The following FGGY variants were observed in gnomAD, a reference collection of about 807,000 sequenced individuals.
FGGY encodes the protein FGGY carbohydrate kinase domain containing, also known as FGGY carbohydrate kinase domain-containing protein.
FGGY carries 72 observed loss-of-function variants against 71.3 expected under a neutral mutation model. That is an observed-to-expected ratio of 1.01 (90% CI 0.84 to 1.23). FGGY has a LOEUF of 1.23. Among genes scored for constraint, FGGY ranks in the 50% most tolerant of loss-of-function variants. The pLI, the probability that FGGY is intolerant of heterozygous loss-of-function variation, is 0.00. For missense variants in FGGY, 668 were observed against 682.3 expected (o/e 0.98, Z 0.23); for synonymous variants, 251 against 250.3 (o/e 1.00, Z -0.02).
rs772885657 is a variant in FGGY, at chr1:59,583,592, C to T, written c.904-24211C>T. On this transcript the variant is annotated intron_variant, in intron 8 of 15. Coordinates refer to ENST00000303721, the MANE Select transcript of FGGY (RefSeq NM_018291.5). ...GTTTTAGGGACATTGAAATGGACTG[C>T]GCATGGAGGAAGCTTCATGGGGGGC... 9.1e-5 allele frequency among the ~76,000 whole-genome samples: 13 copies of T among 142,174 alleles called. 3 individuals are homozygous for T. The highest frequency in any genetic ancestry group is 5.3e-4 in the South Asian group (2 of 3,742). 93.3% of individuals were successfully genotyped at this position (142,174 alleles called of 152,430 possible).
intron 14 of FGGY, among the ~76,000 whole-genome samples, chr1:59,675,756 CAG>C (rs1491439790): frequency 7.9e-5 from 12 of 152,196 alleles, no homozygotes; most frequent in Non-Finnish European, 1.0e-4. Flanking sequence ...ATAGTTAAAA[CAG>C]GGGGGATGCT....
chr1:59,554,057 T>G, intron 7 of FGGY, 67 bp from the exon 8 acceptor site: 2 of 1,263,866 alleles, frequency 1.6e-6, no homozygotes, highest in Non-Finnish European at 2.2e-6. Flanking sequence ...TAATGCTTGT[T>G]TTTAGCTTTC....
intron 14 of FGGY, among the ~76,000 whole-genome samples, chr1:59,715,090 G>T (rs919216581): frequency 6.6e-6 from 1 of 152,062 alleles, no homozygotes; most frequent in Non-Finnish European, 1.5e-5. Context: ...TGGGATTCTT[G>T]TCCCTCCCAG....
chr1:59,744,608 A>G (rs1412254910), intron 14 of FGGY, among the ~76,000 whole-genome samples: 1 of 152,240 alleles, frequency 6.6e-6, no homozygotes, highest in Non-Finnish European at 1.5e-5. Context: ...CTGACATCGG[A>G]CAATGAAGAA....
chr1:59,342,884 C>T (rs1454538846), intron 3 of FGGY, among the ~76,000 whole-genome samples: 1 of 152,140 alleles, frequency 6.6e-6, no homozygotes, highest in Non-Finnish European at 1.5e-5. Flanking sequence ...GAAAATTCAG[C>T]ATTAGTCTAT....
At chr1:59,591,340 G>GT (rs2096432310) in intron 8 of FGGY, among the ~76,000 whole-genome samples, 1 of 152,098 alleles carries the variant, frequency 6.6e-6, no homozygotes, top group African/African-American at 2.4e-5. Context: ...GGAAGAATCA[G>GT]TATCGTGAAA....
At chr1:59,337,018 T>G (rs900410444) in intron 2 of FGGY, among the ~76,000 whole-genome samples, 3 of 143,250 alleles carry the variant, frequency 2.1e-5, no homozygotes, top group African/African-American at 5.3e-5. Flanking sequence ...TATGTATATA[T>G]TCATATATAT....
At chr1:59,637,356 G>A (rs184395567) in intron 10 of FGGY, among the ~76,000 whole-genome samples, 42 of 152,304 alleles carry the variant, frequency 2.8e-4, no homozygotes, top group East Asian at 3.9e-4. Flanking sequence ...AAAAAAACCA[G>A]GCGAGGTGGC....
rs530886300 is a variant in FGGY, at chr1:59,517,230, C to T, written c.799+4791C>T. Among the ~76,000 whole-genome samples the T allele has an allele frequency of 6.1e-5, 9 of 148,142 alleles. No individual in the cohort carries two copies. In the South Asian group the frequency reaches 1.1e-3, roughly 18 times the overall value. ...GGCAATAACAACCTGATTTCTGTCTCAGGCCCTTCTCTTCTCAGTTGCTCT... is the reference window on the plus strand; with the variant it reads ...GGCAATAACAACCTGATTTCTGTCTTAGGCCCTTCTCTTCTCAGTTGCTCT... On this transcript the variant is annotated intron_variant, in intron 7 of 15. Coordinates refer to ENST00000303721, the MANE Select transcript of FGGY (RefSeq NM_018291.5).
At position 59,355,219 on chromosome 1, in the gene FGGY, G is replaced by GT. The variant is rs149395626; in HGVS notation, c.465+8831dup. Among the ~76,000 whole-genome samples the GT allele has an allele frequency of 5.9e-3, 880 of 149,564 alleles. 6 individuals carry two copies. Among genetic ancestry groups the GT allele is most frequent in the Non-Finnish European group, 7.9e-3 (529 of 67,120 alleles). Reference sequence around the variant, plus strand: ...GTATAGCAACAACAAACTTCATACTGTTTTTTTTTTATTATTATACTTTAA... The same window carrying GT: ...GTATAGCAACAACAAACTTCATACTGTTTTTTTTTTTATTATTATACTTTAA... On this transcript the variant is annotated intron_variant, in intron 4 of 15. Coordinates refer to ENST00000303721, the MANE Select transcript of FGGY (RefSeq NM_018291.5).
intron 10 of FGGY, 31 bp from the exon 11 acceptor site, chr1:59,638,197 C>A (rs2096981155): frequency 2.5e-6 from 4 of 1,605,810 alleles, no homozygotes; most frequent in African/African-American, 2.7e-5. Context: ...CCCTATCCCC[C>A]CTTTAAAAAT....
chr1:59,320,815 C>A (rs1557532113), intron 1 of FGGY, among the ~76,000 whole-genome samples: 1 of 152,206 alleles, frequency 6.6e-6, no homozygotes, highest in Non-Finnish European at 1.5e-5. Context: ...AAATATGGGA[C>A]TTTAGGTCCA....
intron 6 of FGGY, among the ~76,000 whole-genome samples, chr1:59,510,044 T>C (rs956190220): frequency 9.7e-5 from 10 of 103,058 alleles, no homozygotes; most frequent in Admixed American, 3.1e-4. Context: ...TTTTTTCTTT[T>C]TTTTTTTTTT....
At chr1:59,632,364 G>T (rs774740434) in intron 10 of FGGY, among the ~76,000 whole-genome samples, 1 of 152,050 alleles carries the variant, frequency 6.6e-6, no homozygotes, top group Non-Finnish European at 1.5e-5. Context: ...TTTTTCCTCA[G>T]CCTTTCTTTT....
intron 7 of FGGY, among the ~76,000 whole-genome samples, chr1:59,551,399 C>T (rs891982460): frequency 6.6e-6 from 1 of 152,090 alleles, no homozygotes; most frequent in African/African-American, 2.4e-5. Context: ...ATTGACTGAC[C>T]CTGTAACATT....
chr1:59,465,371 C>T (rs1028098887), intron 6 of FGGY, among the ~76,000 whole-genome samples: 2 of 152,148 alleles, frequency 1.3e-5, no homozygotes, highest in Non-Finnish European at 2.9e-5. Flanking sequence ...ATAATAAGAG[C>T]TGTTTATGAC....
At chr1:59,555,346 A>G (rs2095668389) in intron 8 of FGGY, among the ~76,000 whole-genome samples, 1 of 152,186 alleles carries the variant, frequency 6.6e-6, no homozygotes, top group Non-Finnish European at 1.5e-5. Flanking sequence ...AGTGGTTTCC[A>G]GTCCCACTTC....
At chr1:59,736,045 A>G (rs2098100195) in intron 14 of FGGY, among the ~76,000 whole-genome samples, 1 of 152,106 alleles carries the variant, frequency 6.6e-6, no homozygotes, top group Non-Finnish European at 1.5e-5. Flanking sequence ...TGTTCTCATG[A>G]TAGCTGATAA....
intron 8 of FGGY, among the ~76,000 whole-genome samples, chr1:59,599,127 G>A (rs1385913106): frequency 3.4e-5 from 5 of 146,772 alleles, no homozygotes; most frequent in Admixed American, 6.8e-5. Flanking sequence ...TTTTTGAGAC[G>A]GAGTCTCACC....
Sources: allele counts gnomAD v4.1 joint callset (sites outside exome capture counted in the v4.1 genomes callset), GRCh38; gene constraint gnomAD v4.1.1; transcripts MANE v1.5; gene names NCBI Gene and HGNC (gene_info 2026-07-23, HGNC 2026-07-21).